DNAJC16: variants seen among roughly 807,000 people sequenced by gnomAD.
The protein encoded by DNAJC16 is dnaJ homolog subfamily C member 16.
Under a neutral mutation model 92.7 loss-of-function variants are expected in DNAJC16, and 76 were observed. The observed-to-expected ratio is 0.82, with a 90% CI of 0.68 to 0.99. The LOEUF (loss-of-function observed/expected upper bound fraction) is 0.99, where lower values mean the gene tolerates loss of function less well. DNAJC16 is among the 50% of genes least tolerant of loss of function. The pLI is 0.00. For synonymous variants in DNAJC16, 328 were observed against 358.7 expected (o/e 0.91, Z 0.97); for missense variants, 869 against 942.4 (o/e 0.92, Z 1.02).
chr1:15,548,491 A>G (rs1638365711), intron 7 of DNAJC16, 63 bp downstream of exon 7: 1 of 1,494,800 alleles, frequency 6.7e-7, no homozygotes, highest in African/African-American at 1.4e-5. Flanking sequence ...TTATGTAAAT[A>G]AACAGCAAAA....
At chr1:15,547,008 A>T (rs1638325345) in intron 6 of DNAJC16, 137 bp downstream of exon 6, 1 of 707,404 alleles carries the variant, frequency 1.4e-6, no homozygotes, top group Non-Finnish European at 2.3e-6. Context: ...CATCCATGAG[A>T]AATGTTTGAA....
At chr1:15,542,171 G>C (rs545775324) in intron 4 of DNAJC16, 4 of 152,122 alleles carry the variant, frequency 2.6e-5, no homozygotes, top group African/African-American at 9.7e-5. Context: ...ACTCTGGCTC[G>C]GTTTCCTGGG....
At chr1:15,547,234 A>G (rs1638331561) in intron 6 of DNAJC16, among the ~76,000 whole-genome samples, 2 of 143,404 alleles carry the variant, frequency 1.4e-5, no homozygotes, top group Non-Finnish European at 3.0e-5. Flanking sequence ...TGCAGCCTCC[A>G]TCTCCCAGGT....
chr1:15,549,581 G>A (rs1371063641), intron 7 of DNAJC16, among the ~76,000 whole-genome samples: 4 of 152,136 alleles, frequency 2.6e-5, no homozygotes, highest in South Asian at 2.1e-4. Context: ...TTGGGAGGCC[G>A]AGGCGGGCAG....
intron 7 of DNAJC16, among the ~76,000 whole-genome samples, chr1:15,555,101 C>T (rs1390448538): frequency 6.7e-6 from 1 of 149,616 alleles, no homozygotes; most frequent in African/African-American, 2.5e-5. Flanking sequence ...GTAGGCCAGG[C>T]GCGGTGGCTC....
chr1:15,556,257 C>T (rs568048911), intron 7 of DNAJC16, among the ~76,000 whole-genome samples: 153 of 149,952 alleles, frequency 1.0e-3, no homozygotes, highest in Non-Finnish European at 1.4e-3. Flanking sequence ...TGTTTTAAGA[C>T]GGAGTCTTGC....
chr1:15,548,820 A>G (rs1557579434), intron 7 of DNAJC16, among the ~76,000 whole-genome samples: 1 of 152,210 alleles, frequency 6.6e-6, no homozygotes, highest in Non-Finnish European at 1.5e-5. Context: ...GAAAATCTTG[A>G]TAACTTGACT....
chr1:15,561,736 C>A (rs964771903), intron 8 of DNAJC16, among the ~76,000 whole-genome samples: 15 of 151,904 alleles, frequency 9.9e-5, no homozygotes, highest in African/African-American at 3.4e-4. Context: ...TGACCAACCC[C>A]TTAAATTCCT....
chr1:15,551,925 G>A (rs994420247), intron 7 of DNAJC16, among the ~76,000 whole-genome samples: 3 of 151,792 alleles, frequency 2.0e-5, no homozygotes, highest in Non-Finnish European at 4.4e-5. Context: ...CAGCTACCCG[G>A]GAGGCTGAGA....
chr1:15,529,320 A>G (rs1407049330), intron 2 of DNAJC16, 48 bp downstream of exon 2: 1 of 1,542,296 alleles, frequency 6.5e-7, no homozygotes, highest in African/African-American at 1.4e-5. Context: ...AAACAGTCTT[A>G]GCAGGGATGA....
chr1:15,571,417 C>T lies in DNAJC16; in HGVS notation c.*3240C>T, dbSNP rs986027930. 1.3e-5 allele frequency: 2 copies of T among 152,614 alleles called. No homozygotes were observed. Among genetic ancestry groups the T allele is most frequent in the African/African-American group, 4.8e-5 (2 of 41,446 alleles). 9.5% of individuals were successfully genotyped at this position (152,614 alleles called of 1,614,324 possible). A position where few individuals can be genotyped will look rare whatever the true frequency, so the allele number is the denominator to read the frequency against. On this transcript the variant is annotated 3_prime_UTR_variant, in exon 15 of 15. Coordinates refer to ENST00000375847, the MANE Select transcript of DNAJC16 (RefSeq NM_015291.4). The stretch of plus-strand genomic sequence containing the variant: ...TAAAAGCTGATGCCAAACATCTTTA[C>T]AGAGGAACTGTAGTTCACATCCACC...
intron 8 of DNAJC16, among the ~76,000 whole-genome samples, chr1:15,561,387 T>G (rs1009361205): frequency 6.6e-6 from 1 of 152,130 alleles, no homozygotes; most frequent in Non-Finnish European, 1.5e-5. Flanking sequence ...ACAAATAGTT[T>G]CTAAAAGGCC....
At chr1:15,544,344 T>C in intron 4 of DNAJC16, 55 bp from the exon 5 acceptor site, 1 of 1,513,714 alleles carries the variant, frequency 6.6e-7, no homozygotes, top group South Asian at 1.3e-5. Flanking sequence ...TAGCACTTTT[T>C]CCAGCTGCCA....
intron 2 of DNAJC16, among the ~76,000 whole-genome samples, chr1:15,532,625 G>T (rs1471818016): frequency 2.0e-5 from 3 of 151,784 alleles, no homozygotes; most frequent in African/African-American, 7.3e-5. Context: ...ATCTTCATTT[G>T]TATGATTGCA....
rs1307780043 is a variant in DNAJC16 at position 15,570,543 on chromosome 1, T to C, written c.*2366T>C. 2 of 152,136 alleles carry C rather than the reference T, an allele frequency of 1.3e-5. No homozygotes were observed. The highest frequency in any genetic ancestry group is 1.3e-4 in the Admixed American group (2 of 15,250). 9.4% of individuals were successfully genotyped at this position (152,136 alleles called of 1,614,324 possible). On this transcript the variant is annotated 3_prime_UTR_variant, in exon 15 of 15. Coordinates refer to ENST00000375847, the MANE Select transcript of DNAJC16 (RefSeq NM_015291.4). The stretch of plus-strand genomic sequence containing the variant: ...TTTTAAACATTTTTATCTCTTCAAG[T>C]CATCTTTTGATCTTTTAAAAAGCAC...
chr1:15,528,697 C>T (rs1005392421), intron 1 of DNAJC16, among the ~76,000 whole-genome samples: 2 of 152,064 alleles, frequency 1.3e-5, no homozygotes, highest in African/African-American at 4.8e-5. Context: ...TATTCTTAAA[C>T]CATTTATTTT....
intron 7 of DNAJC16, among the ~76,000 whole-genome samples, chr1:15,555,848 G>A (rs1004855387): frequency 5.3e-5 from 8 of 151,742 alleles, no homozygotes; most frequent in Non-Finnish European, 1.0e-4. Context: ...AAAATTAGCC[G>A]GGCGTGGTGT....
intron 7 of DNAJC16, among the ~76,000 whole-genome samples, chr1:15,558,043 G>T (rs2103422662): frequency 6.6e-6 from 1 of 151,506 alleles, no homozygotes; most frequent in South Asian, 2.1e-4. Context: ...GCTAATTTTT[G>T]TACTTTTAGT....
intron 4 of DNAJC16, among the ~76,000 whole-genome samples, chr1:15,542,007 T>C (rs901065595): frequency 1.3e-5 from 2 of 152,168 alleles, no homozygotes; most frequent in South Asian, 2.1e-4. Flanking sequence ...CGACTCTTAG[T>C]GGGCCCCTGT....
Sources: allele counts gnomAD v4.1 joint callset (sites outside exome capture counted in the v4.1 genomes callset), GRCh38; gene constraint gnomAD v4.1.1; transcripts MANE v1.5; gene names NCBI Gene and HGNC (gene_info 2026-07-23, HGNC 2026-07-21).